The following CFAP47 variants were observed in gnomAD, a reference collection of about 807,000 sequenced individuals.
CFAP47 encodes the protein cilia- and flagella-associated protein 47.
Under a neutral mutation model 148.1 loss-of-function variants are expected in CFAP47, and 29 were observed. The observed-to-expected ratio is 0.20, with a 90% confidence interval of 0.15 to 0.27. CFAP47 has a LOEUF of 0.27. Ranked by LOEUF, CFAP47 falls within the 10% of genes least tolerant of loss-of-function variation. CFAP47 has a pLI of 1.00. For synonymous variants in CFAP47, 664 were observed against 577.3 expected (o/e 1.15, Z -2.15); for missense variants, 1,872 against 1,697.5 (o/e 1.10, Z -1.81).
rs192467220 is a variant in CFAP47, at chrX:36,182,166, G to C, written c.6104+2744G>C. Among the ~76,000 whole-genome samples, 31 of 112,242 alleles carry C rather than the reference G, an allele frequency of 2.8e-4. No homozygotes were observed. The East Asian group carries it at 6.7e-3, about 24-fold the overall frequency. On this transcript the variant is annotated intron_variant, in intron 40 of 63. Coordinates refer to ENST00000378653, the MANE Select transcript of CFAP47 (RefSeq NM_001304548.2). ...CCACTTCTTAGGCAATGGAAAGGAA[G>C]ATGCACAAGGATAAGAGTGTGCCTT...
chrX:36,259,159 A>G lies in CFAP47; in HGVS notation c.7444+7715A>G, dbSNP rs782487017. On this transcript the variant is annotated intron_variant, in intron 49 of 63. Transcript: ENST00000378653. ...TCTCAACTCTACCCATCTGCTCCTC[A>G]CATTTGGAAAAAGTCATTTCCAACA... 3.6e-5 allele frequency among the ~76,000 whole-genome samples: 4 copies of G among 111,354 alleles called. No individual in the cohort carries two copies. In the South Asian group the frequency reaches 1.5e-3, roughly 42 times the overall value.
chrX:36,090,274 A>G (rs1938161296), intron 30 of CFAP47, among the ~76,000 whole-genome samples: 1 of 111,909 alleles, frequency 8.9e-6, no homozygotes, highest in Non-Finnish European at 1.9e-5. Context: ...ACCTGAATGC[A>G]TTTTTTTCAG....
At chrX:36,278,747 C>T (rs1355056442) in intron 49 of CFAP47, among the ~76,000 whole-genome samples, 1 of 112,524 alleles carries the variant, frequency 8.9e-6, no homozygotes, top group Non-Finnish European at 1.9e-5. Context: ...TGTATAATTT[C>T]ACAACATAGC....
chrX:36,137,923 A>G (rs1939071247), intron 33 of CFAP47, 35 bp from the exon 34 acceptor site: 2 of 546,712 alleles, frequency 3.7e-6, no homozygotes, highest in South Asian at 6.4e-5. Context: ...AAGTAAAACT[A>G]TTGTTGTATT....
intron 49 of CFAP47, among the ~76,000 whole-genome samples, chrX:36,266,506 G>A (rs782149139): frequency 5.4e-5 from 6 of 110,763 alleles, no homozygotes; most frequent in South Asian, 3.8e-4. Flanking sequence ...AAAGTACTTC[G>A]GTGGGACAGT....
chrX:36,301,208 T>C, intron 53 of CFAP47, 29 bp downstream of exon 53: 1 of 839,115 alleles, frequency 1.2e-6, no homozygotes, highest in Non-Finnish European at 1.7e-6. Flanking sequence ...ATAAAGTTAT[T>C]GCTTGCAAGA....
intron 24 of CFAP47, among the ~76,000 whole-genome samples, chrX:36,037,006 T>C (rs1412214881): frequency 8.9e-6 from 1 of 112,387 alleles, no homozygotes; most frequent in Non-Finnish European, 1.9e-5. Context: ...TCTGAAAATA[T>C]GATAGAAAAT....
intron 22 of CFAP47, 124 bp downstream of exon 22, chrX:36,015,036 T>G (rs1382272896): frequency 4.0e-6 from 1 of 252,981 alleles, no homozygotes; most frequent in Non-Finnish European, 7.0e-6. Flanking sequence ...AAATAAAATT[T>G]TAAGAGGATT....
At chrX:36,169,496 C>T (rs762376204) in intron 39 of CFAP47, among the ~76,000 whole-genome samples, 34 of 111,014 alleles carry the variant, frequency 3.1e-4, no homozygotes, top group African/African-American at 1.0e-3. Context: ...TATCAATTGA[C>T]GTATTTTTAA....
chrX:35,965,563 A>G (rs1046041724), intron 8 of CFAP47, among the ~76,000 whole-genome samples: 3 of 111,860 alleles, frequency 2.7e-5, no homozygotes, highest in African/African-American at 9.7e-5. Context: ...CTATTTGTGC[A>G]TTTATTATGA....
intron 40 of CFAP47, 34 bp from the exon 41 acceptor site, chrX:36,188,586 T>C (rs1319327628): frequency 3.4e-6 from 1 of 295,099 alleles, no homozygotes; most frequent in Non-Finnish European, 5.9e-6. Flanking sequence ...TTTGTTTGTG[T>C]TGTTGATGTT....
In CFAP47 at chrX:36,259,054, G is replaced by A. The variant is rs782653155; in HGVS notation, c.7444+7610G>A. Among the ~76,000 whole-genome samples the A allele has an allele frequency of 2.0e-3, 220 of 110,734 alleles. 1 individual carries two copies. The highest frequency in any genetic ancestry group is 6.6e-3 in the African/African-American group (200 of 30,412). On this transcript the variant is annotated intron_variant, in intron 49 of 63. Coordinates refer to ENST00000378653, the MANE Select transcript of CFAP47 (RefSeq NM_001304548.2). ...ATTTAGACTTTCAGGGTGGCTATGG[G>A]GATTAAATGGAAATATATGAAAACT... is the stretch of plus-strand genomic sequence containing the variant.
At chrX:35,972,985 A>G (rs1364389514) in intron 13 of CFAP47, among the ~76,000 whole-genome samples, 2 of 111,812 alleles carry the variant, frequency 1.8e-5, no homozygotes, top group African/African-American at 6.5e-5. Context: ...AAGTTCTTCA[A>G]CATTCTCACC....
At chrX:35,969,002 T>C (rs777464528) in intron 10 of CFAP47, among the ~76,000 whole-genome samples, 1 of 110,148 alleles carries the variant, frequency 9.1e-6, no homozygotes, top group African/African-American at 3.3e-5. Flanking sequence ...TATGTATATA[T>C]GTATATATCT....
intron 62 of CFAP47, among the ~76,000 whole-genome samples, chrX:36,371,728 A>T (rs1424251692): frequency 2.0e-5 from 1 of 49,358 alleles, no homozygotes; most frequent in Non-Finnish European, 3.6e-5. Flanking sequence ...ATATACACAC[A>T]TGTGTGTATA....
intron 30 of CFAP47, among the ~76,000 whole-genome samples, chrX:36,091,660 T>A (rs1938188128): frequency 9.0e-6 from 1 of 111,325 alleles, no homozygotes; most frequent in African/African-American, 3.3e-5. Context: ...GTAGGCAGTA[T>A]GATTTCTTCT....
intron 42 of CFAP47, among the ~76,000 whole-genome samples, chrX:36,195,757 T>A (rs1401284884): frequency 9.0e-6 from 1 of 111,144 alleles, no homozygotes; most frequent in Admixed American, 9.6e-5. Context: ...ACAGTTTGAG[T>A]GATGTTCGCA....
intron 29 of CFAP47, 33 bp from the exon 30 acceptor site, chrX:36,085,281 G>A: frequency 1.1e-6 from 1 of 917,423 alleles, no homozygotes; most frequent in Non-Finnish European, 1.6e-6. Flanking sequence ...AACATTTTGA[G>A]ACTGTTTTTA....
intron 33 of CFAP47, among the ~76,000 whole-genome samples, chrX:36,107,364 A>G (rs1938483449): frequency 8.9e-6 from 1 of 112,281 alleles, no homozygotes; most frequent in African/African-American, 3.2e-5. Flanking sequence ...ATAATGTTAG[A>G]TACAACTCAT....
Sources: allele counts gnomAD v4.1 joint callset (sites outside exome capture counted in the v4.1 genomes callset), GRCh38; gene constraint gnomAD v4.1.1; transcripts MANE v1.5; gene names NCBI Gene and HGNC (gene_info 2026-07-23, HGNC 2026-07-21).